NPAS3: variants seen among roughly 807,000 people sequenced by gnomAD.
NPAS3 encodes the protein neuronal PAS domain-containing protein 3.
NPAS3 carries 14 observed loss-of-function variants against 73.1 expected under a neutral mutation model. The ratio of observed to expected loss-of-function variants is 0.19; its 90% CI spans 0.13 to 0.30. The LOEUF (loss-of-function observed/expected upper bound fraction) is 0.30, where lower values mean the gene tolerates loss of function less well. Ranked by LOEUF, NPAS3 falls within the 10% of genes least tolerant of loss-of-function variation. NPAS3 has a pLI of 1.00. For synonymous variants in NPAS3, 620 were observed against 541.5 expected (o/e 1.14, Z -2.01); for missense variants, 1,096 against 1,250.0 (o/e 0.88, Z 1.86).
chr14:33,410,425 T>G (rs988963982), intron 4 of NPAS3, among the ~76,000 whole-genome samples: 1 of 152,210 alleles, frequency 6.6e-6, no homozygotes, highest in Non-Finnish European at 1.5e-5. Context: ...GTCCCCTATC[T>G]TCTTACCTTT....
At chr14:32,935,222 TTGCC>T (rs1307966702), upstream of NPAS3, among the ~76,000 whole-genome samples, 1 of 152,204 alleles carries the variant, frequency 6.6e-6, no homozygotes, top group Non-Finnish European at 1.5e-5. Context: ...CCTTTGCCCT[TTGCC>T]TGGCCCCAAA....
Position 33,439,758 on chromosome 14 carries a change from G to T in NPAS3, c.468+72490G>T, listed in dbSNP as rs180733246. Among the ~76,000 whole-genome samples the T allele has an allele frequency of 2.9e-3, 445 of 152,272 alleles. 5 individuals are homozygous for T. The highest frequency in any genetic ancestry group is 0.01 in the African/African-American group (422 of 41,552). On this transcript the variant is annotated intron_variant, in intron 4 of 11. Coordinates refer to ENST00000356141, the Ensembl canonical transcript of NPAS3. ...TAAGTTTGCTAGGTGCCTAAAAGAG[G>T]CCAGAAACCAACCTGAGTGAAAAAT...
At chr14:33,270,623 G>A (rs1027618799) in intron 3 of NPAS3, among the ~76,000 whole-genome samples, 1 of 152,202 alleles carries the variant, frequency 6.6e-6, no homozygotes, top group Non-Finnish European at 1.5e-5. Context: ...TTCACCAGAA[G>A]AGGAATGAGG....
At chr14:33,257,253 T>C (rs77973255) in intron 3 of NPAS3, among the ~76,000 whole-genome samples, 1 of 152,148 alleles carries the variant, frequency 6.6e-6, no homozygotes, top group African/African-American at 2.4e-5. Flanking sequence ...GTATGTCTGT[T>C]TGCACCAACG....
intron 4 of NPAS3, among the ~76,000 whole-genome samples, chr14:33,376,756 A>G (rs911463577): frequency 5.3e-5 from 8 of 152,202 alleles, no homozygotes; most frequent in East Asian, 1.9e-4. Context: ...TGCACCTACA[A>G]TGGTCTCTTG....
chr14:33,429,954 T>C, intron 4 of NPAS3, among the ~76,000 whole-genome samples: 1 of 152,254 alleles, frequency 6.6e-6, no homozygotes, highest in Admixed American at 6.5e-5. Context: ...AGCTCAGGAT[T>C]CTCTGCAGAT....
intron 7 of NPAS3, among the ~76,000 whole-genome samples, chr14:33,754,475 G>T (rs952560321): frequency 6.6e-6 from 1 of 152,190 alleles, no homozygotes. Flanking sequence ...ATGCTTAGGA[G>T]CAGGGGAAGA....
At chr14:33,514,259 A>T (rs914544480) in intron 4 of NPAS3, among the ~76,000 whole-genome samples, 1 of 151,998 alleles carries the variant, frequency 6.6e-6, no homozygotes, top group African/African-American at 2.4e-5. Context: ...ACGGAGTTGC[A>T]CATAGACAGG....
At chr14:33,287,341 G>A (rs1028590239) in intron 3 of NPAS3, among the ~76,000 whole-genome samples, 21 of 152,090 alleles carry the variant, frequency 1.4e-4, no homozygotes, top group African/African-American at 4.8e-4. Flanking sequence ...GAATTCCCAC[G>A]GATTAGTCTA....
At chr14:33,643,375 TAAAAAAAA>T (rs755879056) in intron 5 of NPAS3, among the ~76,000 whole-genome samples, 4 of 94,666 alleles carry the variant, frequency 4.2e-5, no homozygotes, top group Admixed American at 1.2e-4. Flanking sequence ...AAATAAAAAT[TAAAAAAAA>T]AAAAAAAAAA....
chr14:33,576,922 T>C (rs1281132190), intron 5 of NPAS3, among the ~76,000 whole-genome samples: 1 of 152,210 alleles, frequency 6.6e-6, no homozygotes, highest in African/African-American at 2.4e-5. Flanking sequence ...TCCTTCTCTT[T>C]GAAAGAGATT....
rs188912899 is a variant in NPAS3, at chr14:33,647,538, T to G, written c.559-28673T>G. Among the ~76,000 whole-genome samples, 194 of 152,268 alleles carry G rather than the reference T, an allele frequency of 1.3e-3. 1 individual carries two copies. The highest frequency in any genetic ancestry group is 4.5e-3 in the African/African-American group (187 of 41,560). ...GGCAGGTCTTTATTCTTTCCTGAACTATCATCTCATTAACACCAATTGTTT... is the reference window on the plus strand; with the variant it reads ...GGCAGGTCTTTATTCTTTCCTGAACGATCATCTCATTAACACCAATTGTTT... On this transcript the variant is annotated intron_variant, in intron 5 of 11. Transcript: ENST00000356141.
chr14:33,249,372 A>G (rs933741046), intron 3 of NPAS3, among the ~76,000 whole-genome samples: 3 of 150,236 alleles, frequency 2.0e-5, no homozygotes, highest in Admixed American at 2.0e-4. Context: ...TTCTTTCCTA[A>G]CAGTCTCATC....
At chr14:33,250,796 C>T (rs2048556054) in intron 3 of NPAS3, among the ~76,000 whole-genome samples, 1 of 151,872 alleles carries the variant, frequency 6.6e-6, no homozygotes, top group African/African-American at 2.4e-5. Context: ...GGAATGAGAC[C>T]AACTACTTGA....
At chr14:33,483,016 T>C (rs1186918141) in intron 4 of NPAS3, among the ~76,000 whole-genome samples, 2 of 152,196 alleles carry the variant, frequency 1.3e-5, no homozygotes, top group African/African-American at 4.8e-5. Context: ...TGACAGTGTT[T>C]GTTTTGTGAT....
chr14:33,555,896 C>CTGTGTGTG (rs60426737), intron 4 of NPAS3, among the ~76,000 whole-genome samples: 59 of 151,336 alleles, frequency 3.9e-4, no homozygotes, highest in African/African-American at 1.4e-3. Context: ...GTTGGTGTGT[C>CTGTGTGTG]TGTGTGTGTG....
intron 3 of NPAS3, among the ~76,000 whole-genome samples, chr14:33,255,525 A>ATT (rs1288800475): frequency 6.6e-6 from 1 of 151,920 alleles, no homozygotes; most frequent in Non-Finnish European, 1.5e-5. Context: ...CTTAAAGTGT[A>ATT]TTTTTTTTCC....
intron 2 of NPAS3, among the ~76,000 whole-genome samples, chr14:33,110,230 C>T (rs2042847759): frequency 6.6e-6 from 1 of 152,050 alleles, no homozygotes; most frequent in Admixed American, 6.6e-5. Flanking sequence ...TACATGTTTA[C>T]ATATGACTGA....
intron 4 of NPAS3, among the ~76,000 whole-genome samples, chr14:33,447,650 A>G (rs2139348947): frequency 6.6e-6 from 1 of 152,288 alleles, no homozygotes; most frequent in Admixed American, 6.5e-5. Context: ...AAAGTGGCAC[A>G]TACCTGTAAT....
Sources: gnomAD v4.1 joint callset for allele counts (sites outside exome capture counted in the v4.1 genomes callset) on GRCh38, gnomAD v4.1.1 for gene constraint, MANE v1.5 for transcripts, NCBI Gene and HGNC (gene_info 2026-07-23, HGNC 2026-07-21) for gene names.